The following ZNF554 variants were observed in gnomAD, a reference collection of about 807,000 sequenced individuals.
ZNF554 encodes zinc finger protein 554.
In ZNF554, 15 loss-of-function variants were observed where a neutral mutation model predicts 21.2. The ratio of observed to expected loss-of-function variants is 0.71; its 90% CI spans 0.47 to 1.09. ZNF554 has a LOEUF of 1.09. ZNF554 is among the 50% of genes least tolerant of loss of function. The pLI, the probability that ZNF554 is intolerant of heterozygous loss-of-function variation, is 0.00. For synonymous variants in ZNF554, 258 were observed against 251.4 expected (o/e 1.03, Z -0.25); for missense variants, 691 against 662.7 (o/e 1.04, Z -0.47).
chr19:2,825,603 A>T (rs970503008), intron 2 of ZNF554, among the ~76,000 whole-genome samples: 10 of 152,182 alleles, frequency 6.6e-5, no homozygotes, highest in Non-Finnish European at 2.9e-5. Flanking sequence ...AAAATATTTT[A>T]AAAATTTTTT....
intron 2 of ZNF554, among the ~76,000 whole-genome samples, chr19:2,825,474 C>A (rs1226496463): frequency 2.0e-5 from 3 of 152,116 alleles, no homozygotes; most frequent in Non-Finnish European, 2.9e-5. Context: ...CCATGCCTGG[C>A]TAATTTTTGT....
Position 2,830,757 on chromosome 19 carries a change from G to T in ZNF554, c.254-1546G>T, listed in dbSNP as rs2087404165. 2 of 109,788 alleles carry T rather than the reference G, an allele frequency of 1.8e-5. 1 individual carries two copies. The highest frequency in any genetic ancestry group is 7.9e-4 in the South Asian group (2 of 2,518). The allele number at this position is 109,788 out of a possible 1,614,324, so 6.8% of individuals were successfully genotyped here. A position where few individuals can be genotyped will look rare whatever the true frequency, so the allele number is the denominator to read the frequency against. On this transcript the variant is annotated intron_variant, in intron 3 of 4. Coordinates refer to ENST00000317243, the MANE Select transcript of ZNF554 (RefSeq NM_001102651.2). ...ATTACAAGTGTGCACCACCACACCT[G>T]TTTTTGTATTTTTTTTTTTTTATGA...
intron 2 of ZNF554, among the ~76,000 whole-genome samples, chr19:2,823,622 G>A (rs2087291472): frequency 6.6e-6 from 1 of 152,140 alleles, no homozygotes; most frequent in South Asian, 2.1e-4. Context: ...GCTCTCAGCA[G>A]GGACGGTAGC....
At chr19:2,831,591 C>CCCAA in intron 3 of ZNF554, 1 of 111,870 alleles carries the variant, frequency 8.9e-6, no homozygotes, top group Admixed American at 1.0e-4. Context: ...ACTGCACCCG[C>CCCAA]CCTTTTTTTT....
At chr19:2,822,869 A>C (rs991008936) in intron 1 of ZNF554, among the ~76,000 whole-genome samples, 171 bp from the exon 2 acceptor site, 1 of 152,172 alleles carries the variant, frequency 6.6e-6, no homozygotes, top group South Asian at 2.1e-4. Context: ...GGGAGACCCT[A>C]TCTCTTAAAA....
In ZNF554 at chr19:2,833,663, C is replaced by T. The variant is rs114049457; in HGVS notation, c.446-18C>T. 1,151 of 1,503,546 alleles carry T rather than the reference C, an allele frequency of 7.7e-4. 2 individuals are homozygous for T. In the African/African-American group the frequency reaches 0.01, roughly 13 times the overall value. The allele number at this position is 1,503,546 out of a possible 1,614,324, so 93.1% of individuals were successfully genotyped here. On this transcript the variant is annotated intron_variant, in intron 4 of 4. Coordinates refer to ENST00000317243, the MANE Select transcript of ZNF554 (RefSeq NM_001102651.2). ...TTTCTTCTTCTAAAAAAATGGTTTC[C>T]GCCTCAATTTATTTCAGATTGGATG...
intron 3 of ZNF554, among the ~76,000 whole-genome samples, chr19:2,828,428 C>G (rs1031317054): frequency 6.6e-6 from 1 of 152,170 alleles, no homozygotes; most frequent in African/African-American, 2.4e-5. Flanking sequence ...TGTGGTGGCT[C>G]ATGCCTGTTA....
chr19:2,832,165 A>T, intron 3 of ZNF554, 138 bp from the exon 4 acceptor site: 3 of 710,308 alleles, frequency 4.2e-6, no homozygotes, highest in Non-Finnish European at 6.6e-6. Context: ...ACCTCAGGTG[A>T]TCCGCCTGCC....
chr19:2,831,309 ATTT>A (rs60934991), intron 3 of ZNF554: 2 of 142,084 alleles, frequency 1.4e-5, no homozygotes, highest in African/African-American at 2.6e-5. Flanking sequence ...AAGATCTGTA[ATTT>A]TTTTTTTTTT....
chr19:2,821,398 G>A lies in ZNF554; in HGVS notation c.53+1274G>A, dbSNP rs1307171664. 1.3e-5 allele frequency among the ~76,000 whole-genome samples: 2 copies of A among 151,924 alleles called. No homozygotes were observed. The highest frequency in any genetic ancestry group is 4.9e-5 in the African/African-American group (2 of 41,196). Reference sequence around the variant, plus strand: ...CCTTTGGTTCTTACATGAGCCTCCTGGAGCTGCTGTGACAATGCACCACAA... The same window carrying A: ...CCTTTGGTTCTTACATGAGCCTCCTAGAGCTGCTGTGACAATGCACCACAA... On this transcript the variant is annotated intron_variant, in intron 1 of 4. Transcript: ENST00000317243. This position sits in a 1 kb window ranked among gnomAD's most constrained non-coding sequence, Gnocchi z 8.2.
chr19:2,825,958 T>G (rs2087325999), intron 2 of ZNF554, among the ~76,000 whole-genome samples: 1 of 152,092 alleles, frequency 6.6e-6, no homozygotes, highest in South Asian at 2.1e-4. Context: ...TGGAGTGCAG[T>G]GGCGTGATCT....
At chr19:2,825,014 T>G (rs200300277) in intron 2 of ZNF554, among the ~76,000 whole-genome samples, 1,900 of 148,088 alleles carry the variant, frequency 0.013, 42 homozygotes, top group African/African-American at 0.039. Context: ...TTTTTTTTTT[T>G]TTTTTTTTTT....
rs1337453605 is a variant in ZNF554, at chr19:2,819,938, G to GC, written c.-133dup. 3 of 640,060 alleles carry GC rather than the reference G, an allele frequency of 4.7e-6. No homozygotes were observed. The highest frequency in any genetic ancestry group is 6.4e-6 in the Non-Finnish European group (3 of 467,322). 39.6% of individuals were successfully genotyped at this position (640,060 alleles called of 1,614,324 possible). ...TGCGGCGAGTTCCTGAGGGGCGCCT[G>GC]CGGGGGGCGTCCGCTCCGAGCGCCG... is the stretch of plus-strand genomic sequence containing the variant. On this transcript the variant is annotated 5_prime_UTR_variant, in exon 1 of 5. Transcript: ENST00000317243.
intron 4 of ZNF554, 117 bp from the exon 5 acceptor site, chr19:2,833,564 A>G (rs17685286): frequency 0.066 from 53,524 of 811,814 alleles, 2,560 homozygotes; most frequent in East Asian, 0.19. Context: ...TTCAGAGTTG[A>G]TATTTGAACA....
intron 3 of ZNF554, among the ~76,000 whole-genome samples, chr19:2,830,329 G>T (rs1332514547): frequency 6.6e-6 from 1 of 152,192 alleles, no homozygotes; most frequent in Non-Finnish European, 1.5e-5. Context: ...TTACATTGTA[G>T]CCTGTGTCAG....
chr19:2,823,536 C>A (rs764587586), intron 2 of ZNF554, among the ~76,000 whole-genome samples: 1 of 152,158 alleles, frequency 6.6e-6, no homozygotes, highest in Non-Finnish European at 1.5e-5. Context: ...GTTCAGCTCT[C>A]AGCAGAGAGG....
rs937135836 is a variant in ZNF554, at chr19:2,821,641, T to C, written c.54-1399T>C. On this transcript the variant is annotated intron_variant, in intron 1 of 4. Transcript: ENST00000317243. The surrounding 1 kb of genome is among the most constrained non-coding windows in gnomAD (Gnocchi z 8.2). ...CTGCCTGCATCATCATGTGGCCTTC[T>C]TCCCTGTGTCTCTTTCTCCTTTTTT... Among the ~76,000 whole-genome samples the C allele has an allele frequency of 1.3e-5, 2 of 151,806 alleles. No individual in the cohort carries two copies. Among genetic ancestry groups the C allele is most frequent in the Non-Finnish European group, 2.9e-5 (2 of 68,026 alleles).
In ZNF554 at chr19:2,820,027, G is replaced by T; in HGVS notation, c.-45G>T. On this transcript the variant is annotated 5_prime_UTR_variant, in exon 1 of 5. Transcript: ENST00000317243. ...GGAGGCCGGCCGGCCTGCACGGGGC[G>T]CTCCCGCCTCGGGGGCCCTGTCTGG... 2 of 1,195,470 alleles carry T rather than the reference G, an allele frequency of 1.7e-6. No homozygotes were observed. The highest frequency in any genetic ancestry group is 7.0e-5 in the East Asian group (2 of 28,500). The allele number at this position is 1,195,470 out of a possible 1,614,324, so 74.1% of individuals were successfully genotyped here.
Position 2,821,042 on chromosome 19 carries a change from C to A in ZNF554, c.53+918C>A, listed in dbSNP as rs992837350. 4.0e-5 allele frequency among the ~76,000 whole-genome samples: 6 copies of A among 151,748 alleles called. 1 individual carries two copies. The Middle Eastern group carries it at 0.017, about 430-fold the overall frequency. On this transcript the variant is annotated intron_variant, in intron 1 of 4. Coordinates refer to ENST00000317243, the MANE Select transcript of ZNF554 (RefSeq NM_001102651.2). The surrounding 1 kb of genome is among the most constrained non-coding windows in gnomAD (Gnocchi z 8.2). ...CTGACCTTTCTGCTGCTCTAGCAAC[C>A]CCAACCTCCCTGAACTCTCCCCTAC...
Sources: gnomAD v4.1 joint callset for allele counts (sites outside exome capture counted in the v4.1 genomes callset) on GRCh38, gnomAD v4.1.1 for gene constraint, Gnocchi (gnomAD v3.1) non-coding constraint, MANE v1.5 for transcripts, NCBI Gene and HGNC (gene_info 2026-07-23, HGNC 2026-07-21) for gene names.